Variants in TDRD9 observed in about 807,000 individuals in gnomAD.
The protein encoded by TDRD9 is tudor domain containing 9.
A neutral mutation model predicts 172.6 loss-of-function variants in TDRD9; 124 were observed. The ratio of observed to expected loss-of-function variants is 0.72; its 90% CI spans 0.62 to 0.83. The LOEUF (loss-of-function observed/expected upper bound fraction) is 0.83, where lower values mean the gene tolerates loss of function less well. TDRD9 is among the 40% of genes least tolerant of loss of function. The pLI is 0.00. For synonymous variants in TDRD9, 619 were observed against 617.1 expected (o/e 1.00, Z -0.05); for missense variants, 1,479 against 1,714.1 (o/e 0.86, Z 2.42).
intron 2 of TDRD9, among the ~76,000 whole-genome samples, chr14:103,956,109 AAAATATATATATATATAT>A (rs2032209398): frequency 4.8e-5 from 1 of 20,760 alleles, no homozygotes; most frequent in Non-Finnish European, 8.3e-5. Flanking sequence ...AAAAAAAAAA[AAAATATATATATATATAT>A]ATATATATAT....
chr14:103,994,537 C>T lies in TDRD9; in HGVS notation c.1254C>T (p.Leu418=), dbSNP rs1420794766. ...TTCTTAGGTTGCAGGTCTATCCACT[C>T]CATTCAAGTGTGGCTTTAGAAGAAC... ...LVHKRLQVYP[L]HSSVALEEQN... is the part of the protein sequence containing the mutation. The change falls in exon 11 of 36, where the codon CTC becomes CTT. Residue 418 remains leucine (L), a synonymous_variant. Transcript: ENST00000409874. The T allele has an allele frequency of 1.2e-6, 2 of 1,613,898 alleles. No individual in the cohort carries two copies. The highest frequency in any genetic ancestry group is 2.2e-5 in the East Asian group (1 of 44,874).
chr14:104,044,823 A>T (rs1054367570), intron 34 of TDRD9, among the ~76,000 whole-genome samples: 1 of 152,136 alleles, frequency 6.6e-6, no homozygotes, highest in Non-Finnish European at 1.5e-5. Flanking sequence ...GGTAGGTTGT[A>T]TTGGTAGGTT....
chr14:103,986,143 C>T (rs2033650391), intron 7 of TDRD9, 74 bp from the exon 8 acceptor site: 1 of 1,039,992 alleles, frequency 9.6e-7, no homozygotes, highest in Non-Finnish European at 1.5e-6. Context: ...TGGTGAGAGC[C>T]AGTCCCATCC....
chr14:104,023,532 C>T (rs1206908310), intron 24 of TDRD9, among the ~76,000 whole-genome samples: 1 of 152,228 alleles, frequency 6.6e-6, no homozygotes, highest in Non-Finnish European at 1.5e-5. Flanking sequence ...GGCTGGTCAG[C>T]CCAGGGCAGG....
chr14:103,939,250 G>C (rs1595892938), intron 1 of TDRD9, among the ~76,000 whole-genome samples: 1 of 152,078 alleles, frequency 6.6e-6, no homozygotes, highest in East Asian at 1.9e-4. Flanking sequence ...ATGTATGGTG[G>C]GATGACCAAT....
intron 2 of TDRD9, 91 bp from the exon 3 acceptor site, chr14:103,962,988 G>GTGTA: frequency 1.5e-6 from 1 of 673,644 alleles, no homozygotes; most frequent in South Asian, 2.0e-5. Context: ...GTGTGTGTGT[G>GTGTA]TGTGTATGCT....
At chr14:103,969,318 C>T (rs974808277) in intron 5 of TDRD9, among the ~76,000 whole-genome samples, 18 of 151,666 alleles carry the variant, frequency 1.2e-4, no homozygotes, top group African/African-American at 3.1e-4. Flanking sequence ...CAGTGGGTTG[C>T]GGGGCAGAGG....
intron 7 of TDRD9, among the ~76,000 whole-genome samples, chr14:103,979,735 C>T (rs59422399): frequency 0.015 from 2,269 of 152,264 alleles, 66 homozygotes; most frequent in African/African-American, 0.052. Flanking sequence ...GTTGTGTTTG[C>T]CAGGTTTCTC....
intron 1 of TDRD9, among the ~76,000 whole-genome samples, chr14:103,952,218 ATATTTTTTTTTTT>A (rs2031952740): frequency 2.3e-5 from 1 of 44,092 alleles, no homozygotes; most frequent in African/African-American, 1.2e-4. Flanking sequence ...ATATATATAT[ATATTTTTTTTTTT>A]TTTTTTTTTT....
At chr14:103,967,803 G>A (rs1322413921) in intron 5 of TDRD9, among the ~76,000 whole-genome samples, 2 of 152,176 alleles carry the variant, frequency 1.3e-5, no homozygotes, top group African/African-American at 2.4e-5. Flanking sequence ...ACTTATGGTA[G>A]TTTTGAATAT....
rs2032694209 is a variant in TDRD9 at position 103,965,427 on chromosome 14, A to G, written c.515A>G (p.His172Arg). Residue 172 changes from histidine (H) to arginine (R), a missense_variant, in exon 4 of 36, where the codon CAC becomes CGC. Physicochemically the swap from His to Arg is conservative, Grantham distance 29 (BLOSUM62 0). Transcript: ENST00000409874. ...CAGCTCCCGCAGTATATCTTGGACCACTACGTTCAGCGCTCCGCCTACTGC... is the reference window on the plus strand; with the variant it reads ...CAGCTCCCGCAGTATATCTTGGACCGCTACGTTCAGCGCTCCGCCTACTGC... ...STQLPQYILD[H>R]YVQRSAYCSI... The G allele has an allele frequency of 9.0e-6, 14 of 1,551,542 alleles. No homozygotes were observed. The highest frequency in any genetic ancestry group is 1.1e-5 in the Non-Finnish European group (13 of 1,146,994).
chr14:103,988,812 C>T lies in TDRD9; in HGVS notation c.1116-2348C>T, dbSNP rs1477758892. 4.0e-5 allele frequency among the ~76,000 whole-genome samples: 6 copies of T among 151,852 alleles called. No individual in the cohort carries two copies. In the East Asian group the frequency reaches 1.2e-3, roughly 29 times the overall value. On this transcript the variant is annotated intron_variant, in intron 8 of 35. Transcript: ENST00000409874. ...GGCTCAATTGATCCTCCCACCTCAG[C>T]CTTGTGAGTAGCTGGGACTTAGAGG...
At position 104,026,917 on chromosome 14, in the gene TDRD9, C is replaced by T. The variant is rs368160012; in HGVS notation, c.3260C>T (p.Thr1087Met). 7.4e-6 allele frequency: 12 copies of T among 1,613,822 alleles called. No individual in the cohort carries two copies. Among genetic ancestry groups the T allele is most frequent in the African/African-American group, 1.3e-5 (1 of 74,950 alleles). The change falls in exon 28 of 36, where the codon ACG becomes ATG. Residue 1087 changes from threonine (T) to methionine (M), a missense_variant. Physicochemically the swap from Thr to Met is moderately conservative, Grantham distance 81. Transcript: ENST00000409874. ...ATCCAGCAGGGCTATGCCGAGCTCA[C>T]GGAGGAGTCCTACGAGTCCAAGGTG... ...VLIQQGYAEL[T>M]EESYESKQSH...
chr14:104,038,533 G>A (rs757700102), intron 32 of TDRD9, among the ~76,000 whole-genome samples: 3 of 152,184 alleles, frequency 2.0e-5, no homozygotes, highest in Non-Finnish European at 2.9e-5. Flanking sequence ...GCTCACATCT[G>A]GTGGTTGCTG....
intron 7 of TDRD9, among the ~76,000 whole-genome samples, chr14:103,978,722 C>T (rs2152174678): frequency 6.6e-6 from 1 of 152,228 alleles, no homozygotes; most frequent in Admixed American, 6.5e-5. Context: ...ATTTTTGTCA[C>T]ATATCAAGGG....
chr14:104,004,672 G>A (rs1003907376), intron 14 of TDRD9, among the ~76,000 whole-genome samples: 9 of 152,012 alleles, frequency 5.9e-5, no homozygotes, highest in African/African-American at 2.2e-4. Flanking sequence ...AGATAGTTTT[G>A]CCAAATAGTC....
chr14:103,975,578 T>G (rs2033203118), intron 7 of TDRD9, 25 bp downstream of exon 7: 1 of 1,573,532 alleles, frequency 6.4e-7, no homozygotes, highest in South Asian at 1.2e-5. Context: ...GCTGTTTCTT[T>G]TATAGTGAGC....
At chr14:104,022,373 C>T (rs758287761) in intron 24 of TDRD9, 43 bp downstream of exon 24, 27 of 1,582,696 alleles carry the variant, frequency 1.7e-5, no homozygotes, top group East Asian at 1.1e-4. Context: ...TGCCTGCTTT[C>T]ACATTCTCAG....
chr14:103,967,335 C>G (rs1161924676), intron 5 of TDRD9, among the ~76,000 whole-genome samples: 2 of 83,410 alleles, frequency 2.4e-5, no homozygotes, highest in Non-Finnish European at 4.3e-5. Context: ...AAACCCATCT[C>G]TACTAAAAAT....
Sources: gnomAD v4.1 joint callset for allele counts (sites outside exome capture counted in the v4.1 genomes callset) on GRCh38, gnomAD v4.1.1 for gene constraint, MANE v1.5 for transcripts, NCBI Gene and HGNC (gene_info 2026-07-23, HGNC 2026-07-21) for gene names.